Variants in ODAD2 observed in about 807,000 individuals in gnomAD.
ODAD2 encodes the protein outer dynein arm-docking complex subunit 2.
Under a neutral mutation model 106.8 loss-of-function variants are expected in ODAD2, and 89 were observed. The ratio of observed to expected loss-of-function variants is 0.83; its 90% CI spans 0.70 to 0.99. The LOEUF (loss-of-function observed/expected upper bound fraction) is 0.99. Among genes scored for constraint, ODAD2 ranks in the 50% least tolerant of loss-of-function variants. ODAD2 has a pLI of 0.00. For synonymous variants in ODAD2, 404 were observed against 436.2 expected (o/e 0.93, Z 0.92); for missense variants, 1,168 against 1,238.5 (o/e 0.94, Z 0.85).
chr10:27,847,728 G>A (rs1464719676), intron 19 of ODAD2, among the ~76,000 whole-genome samples: 1 of 152,052 alleles, frequency 6.6e-6, no homozygotes, highest in African/African-American at 2.4e-5. Flanking sequence ...CAAAGTCTCA[G>A]GATACAAAAT....
At chr10:27,961,371 C>G (rs193203302) in intron 10 of ODAD2, among the ~76,000 whole-genome samples, 197 bp downstream of exon 10, 233 of 152,268 alleles carry the variant, frequency 1.5e-3, no homozygotes, top group Non-Finnish European at 2.5e-3. Context: ...TACCAGGCAG[C>G]CTGGTTGCTC....
chr10:27,927,196 A>G (rs1431827889), intron 16 of ODAD2, among the ~76,000 whole-genome samples: 1 of 152,156 alleles, frequency 6.6e-6, no homozygotes, highest in African/African-American at 2.4e-5. Flanking sequence ...ATTCCTACTG[A>G]GAAACATATA....
intron 19 of ODAD2, among the ~76,000 whole-genome samples, chr10:27,827,379 C>CTATCTATA (rs1837139901): frequency 7.5e-6 from 1 of 132,472 alleles, no homozygotes; most frequent in Admixed American, 7.8e-5. Flanking sequence ...CACACACACA[C>CTATCTATA]TATATATATA....
At chr10:27,863,012 G>T (rs769105694) in intron 17 of ODAD2, among the ~76,000 whole-genome samples, 1 of 152,130 alleles carries the variant, frequency 6.6e-6, no homozygotes, top group African/African-American at 2.4e-5. Context: ...TTTCTCTTAG[G>T]AGAAACATAG....
rs537638168 is a variant in ODAD2 at position 27,995,101 on chromosome 10, G to C, written c.42C>G (p.Ala14=). 3.7e-6 allele frequency: 6 copies of C among 1,613,860 alleles called. No individual in the cohort carries two copies. In the African/African-American group the frequency reaches 6.7e-5, roughly 18 times the overall value. ...ALRKLTQWTA[A]GHGTGILEIT... ...TTTCGAGGATTCCAGTTCCATGTCC[G>C]GCAGCAGTCCACTGCGTCAATTTCC... Residue 14 remains alanine, a synonymous_variant, in exon 2 of 20, where the codon GCC becomes GCG. Coordinates refer to ENST00000305242, the MANE Select transcript of ODAD2 (RefSeq NM_018076.5).
chr10:27,898,992 T>C (rs1589960294), intron 17 of ODAD2, among the ~76,000 whole-genome samples: 2 of 152,226 alleles, frequency 1.3e-5, no homozygotes, highest in East Asian at 1.9e-4. Flanking sequence ...CTATCCTTTA[T>C]ATAAAAATAT....
At chr10:27,897,700 A>T (rs1401336855) in intron 17 of ODAD2, among the ~76,000 whole-genome samples, 1 of 152,172 alleles carries the variant, frequency 6.6e-6, no homozygotes, top group African/African-American at 2.4e-5. Context: ...GCAATGATAA[A>T]TGCATACAAG....
intron 19 of ODAD2, among the ~76,000 whole-genome samples, chr10:27,827,379 CTATATATATATATATA>C (rs10580710): frequency 6.0e-5 from 8 of 132,472 alleles, no homozygotes; most frequent in African/African-American, 9.0e-5. Flanking sequence ...CACACACACA[CTATATATATATATATA>C]TATATATATA....
At chr10:27,944,503 C>T in intron 11 of ODAD2, 72 bp from the exon 12 acceptor site, 3 of 1,352,366 alleles carry the variant, frequency 2.2e-6, no homozygotes, top group Non-Finnish European at 3.1e-6. Context: ...CCGAGTATAC[C>T]TAAAATCCTT....
Position 27,971,111 on chromosome 10 carries a change from T to A in ODAD2, c.1139A>T (p.Lys380Ile). 1 of 1,611,460 alleles carries A rather than the reference T, an allele frequency of 6.2e-7. No individual in the cohort carries two copies. Among genetic ancestry groups the A allele is most frequent in the Non-Finnish European group, 8.5e-7 (1 of 1,177,678 alleles). ...ACAAATGCAAATATCTACATACCCT[T>A]TGTAATTAACAGTGGTCTTCCAGTT... is the stretch of plus-strand genomic sequence containing the variant. Reference protein sequence around the residue: ...SLNWKTTVNYKGKGSAKEIQE... With the variant: ...SLNWKTTVNYIGKGSAKEIQE... Residue 380 changes from lysine (K) to isoleucine (I), a missense_variant, in exon 8 of 20, where the codon AAA (lysine) becomes ATA (isoleucine). Transcript: ENST00000305242.
intron 9 of ODAD2, among the ~76,000 whole-genome samples, chr10:27,964,351 G>A (rs1305468527): frequency 6.6e-6 from 1 of 152,156 alleles, no homozygotes; most frequent in Non-Finnish European, 1.5e-5. Context: ...ACTTACGTGT[G>A]CCTCGGTTTC....
chr10:27,954,412 C>G (rs1486100188), intron 10 of ODAD2, among the ~76,000 whole-genome samples: 1 of 152,142 alleles, frequency 6.6e-6, no homozygotes, highest in Non-Finnish European at 1.5e-5. Flanking sequence ...AATCAAAAAT[C>G]TGATAAATAA....
At chr10:27,998,648 G>A (rs1378663439) in intron 1 of ODAD2, among the ~76,000 whole-genome samples, 1 of 151,840 alleles carries the variant, frequency 6.6e-6, no homozygotes, top group African/African-American at 2.4e-5. Flanking sequence ...CTGGGAGAGA[G>A]AAGGGAAGGG....
At chr10:27,932,948 T>G (rs939538801) in intron 16 of ODAD2, among the ~76,000 whole-genome samples, 3 of 152,128 alleles carry the variant, frequency 2.0e-5, no homozygotes, top group Non-Finnish European at 4.4e-5. Context: ...AATAAATATG[T>G]GTTTAATGTA....
intron 19 of ODAD2, among the ~76,000 whole-genome samples, chr10:27,816,676 G>C (rs769838786): frequency 1.3e-5 from 2 of 152,148 alleles, no homozygotes; most frequent in Non-Finnish European, 2.9e-5. Context: ...TACAGATGAA[G>C]TTCCTTTGAG....
chr10:27,912,809 A>T (rs929419261), intron 16 of ODAD2, among the ~76,000 whole-genome samples: 31 of 152,190 alleles, frequency 2.0e-4, no homozygotes, highest in Non-Finnish European at 1.9e-4. Context: ...GCAATTCAGT[A>T]AAATGGGAAA....
chr10:27,874,957 C>G (rs530998923), intron 17 of ODAD2, among the ~76,000 whole-genome samples: 35 of 152,320 alleles, frequency 2.3e-4, no homozygotes, highest in African/African-American at 7.7e-4. Context: ...TGTTTTCCAA[C>G]TTGGTTCCAT....
At position 27,952,885 on chromosome 10, in the gene ODAD2, TTTTG is replaced by T. The variant is rs563909419; in HGVS notation, c.1387-7927_1387-7924del. On this transcript the variant is annotated intron_variant, in intron 10 of 19. Transcript: ENST00000305242. ...CTTTTTTTTACATAAACCAAGTTTG[TTTTG>T]TTTATTACTCTTCATTATTTTTTGT... 3.5e-4 allele frequency among the ~76,000 whole-genome samples: 53 copies of T among 152,300 alleles called. No homozygotes were observed. The South Asian group carries it at 9.7e-3, about 28-fold the overall frequency.
At chr10:27,863,632 A>G (rs967361622) in intron 17 of ODAD2, among the ~76,000 whole-genome samples, 1 of 152,166 alleles carries the variant, frequency 6.6e-6, no homozygotes, top group African/African-American at 2.4e-5. Context: ...CAAGTATAAC[A>G]AATAGCACTG....
Sources: gnomAD v4.1 joint callset for allele counts (sites outside exome capture counted in the v4.1 genomes callset) on GRCh38, gnomAD v4.1.1 for gene constraint, MANE v1.5 for transcripts, NCBI Gene and HGNC (gene_info 2026-07-23, HGNC 2026-07-21) for gene names.